PTGES: variants seen among roughly 807,000 people sequenced by gnomAD.
PTGES encodes MGST1-like 1.
In PTGES, 3 loss-of-function variants were observed where a neutral mutation model predicts 11.8. That is an observed-to-expected ratio of 0.25 (90% confidence interval 0.12 to 0.66). The LOEUF is 0.66. Among genes scored for constraint, PTGES ranks in the 30% least tolerant of loss-of-function variants. The pLI is 0.82. For missense variants in PTGES, 180 were observed against 213.0 expected (o/e 0.85, Z 0.96); for synonymous variants, 94 against 90.4 (o/e 1.04, Z -0.22).
At chr9:129,749,149 C>T (rs1455687934) in intron 1 of PTGES, among the ~76,000 whole-genome samples, 6 of 152,190 alleles carry the variant, frequency 3.9e-5, no homozygotes, top group Non-Finnish European at 7.3e-5. Context: ...CCCAGCACTT[C>T]GGAAGGCCAA....
chr9:129,740,254 C>T (rs913030514), intron 2 of PTGES, among the ~76,000 whole-genome samples: 8 of 152,214 alleles, frequency 5.3e-5, no homozygotes, highest in Non-Finnish European at 8.8e-5. Flanking sequence ...ACAGAGCCAA[C>T]GAGTGGAGGA....
intron 1 of PTGES, among the ~76,000 whole-genome samples, 160 bp downstream of exon 1, chr9:129,752,727 C>T (rs533101005): frequency 3.9e-5 from 6 of 152,360 alleles, no homozygotes; most frequent in African/African-American, 9.6e-5. Context: ...CTTGCTGACA[C>T]GTGGGACTGG....
chr9:129,739,290 G>A lies in PTGES; in HGVS notation c.*321C>T, dbSNP rs1832967198. On this transcript the variant is annotated 3_prime_UTR_variant, in exon 3 of 3. Coordinates refer to ENST00000340607, the MANE Select transcript of PTGES (RefSeq NM_004878.5). The surrounding 1 kb of genome is among the most constrained non-coding windows in gnomAD (Gnocchi z 5.7). The stretch of plus-strand genomic sequence containing the variant: ...TCTCCCTTCTCTCTTTTCACTGTTA[G>A]GGAGGGAGAGGGAGTGATGTTTTTG... 2 of 306,270 alleles carry A rather than the reference G, an allele frequency of 6.5e-6. No individual in the cohort carries two copies. Among genetic ancestry groups the A allele is most frequent in the South Asian group, 9.6e-5 (2 of 20,836 alleles). The allele number at this position is 306,270 out of a possible 1,614,324, so 19.0% of individuals were successfully genotyped here.
Position 129,738,401 on chromosome 9 carries a change from C to G in PTGES, c.*1210G>C. On this transcript the variant is annotated 3_prime_UTR_variant, in exon 3 of 3. Transcript: ENST00000340607. The surrounding 1 kb of genome is among the most constrained non-coding windows in gnomAD (Gnocchi z 4.2). ...AAATCACACATCTCAGGTCACGGGT[C>G]TAGGAGAAAACACACACACACACAC... is the stretch of plus-strand genomic sequence containing the variant. 1 of 136,524 alleles carries G rather than the reference C, an allele frequency of 7.3e-6. No individual in the cohort carries two copies. Among genetic ancestry groups the G allele is most frequent in the South Asian group, 2.4e-4 (1 of 4,240 alleles). The allele number at this position is 136,524 out of a possible 1,614,324, so 8.5% of individuals were successfully genotyped here.
intron 1 of PTGES, among the ~76,000 whole-genome samples, chr9:129,750,343 A>C (rs1833090874): frequency 6.6e-6 from 1 of 152,178 alleles, no homozygotes; most frequent in South Asian, 2.1e-4. Flanking sequence ...ACCCCAGAGG[A>C]GAATGCAGCT....
chr9:129,746,759 G>A (rs549749586), intron 2 of PTGES, among the ~76,000 whole-genome samples: 1 of 152,164 alleles, frequency 6.6e-6, no homozygotes, highest in Non-Finnish European at 1.5e-5. Context: ...AAGCTCTTCC[G>A]ATGACCCCAA....
intron 2 of PTGES, among the ~76,000 whole-genome samples, chr9:129,748,414 G>T (rs1247709218): frequency 6.6e-6 from 1 of 152,142 alleles, no homozygotes; most frequent in Non-Finnish European, 1.5e-5. Flanking sequence ...GTAGGAGGGA[G>T]ACTGAATGTT....
At chr9:129,752,210 T>G (rs774859550) in intron 1 of PTGES, among the ~76,000 whole-genome samples, 1 of 152,160 alleles carries the variant, frequency 6.6e-6, no homozygotes, top group Non-Finnish European at 1.5e-5. Context: ...GGGGAGGAAG[T>G]AACAGGTGCC....
rs3861883 is a variant in PTGES at position 129,739,005 on chromosome 9, C to T, written c.*606G>A. The T allele has an allele frequency of 0.013, 1,998 of 153,120 alleles. 37 individuals carry two copies. Among genetic ancestry groups the T allele is most frequent in the African/African-American group, 0.043 (1,802 of 41,532 alleles). The allele number at this position is 153,120 out of a possible 1,614,324, so 9.5% of individuals were successfully genotyped here. On this transcript the variant is annotated 3_prime_UTR_variant, in exon 3 of 3. Coordinates refer to ENST00000340607, the MANE Select transcript of PTGES (RefSeq NM_004878.5). This position sits in a 1 kb window ranked among gnomAD's most constrained non-coding sequence, Gnocchi z 5.7. ...AAAATTAGCTGGGTATGGTGATACG[C>T]GCCTGTAATCCCAGCTACTCAGGAG...
At chr9:129,743,181 C>T (rs1434313066) in intron 2 of PTGES, among the ~76,000 whole-genome samples, 3 of 152,202 alleles carry the variant, frequency 2.0e-5, no homozygotes, top group African/African-American at 7.2e-5. Flanking sequence ...GGAGCTCTGA[C>T]TGTCAGCCCC....
rs1050677993 is a variant in PTGES at position 129,739,783 on chromosome 9, G to A, written c.287C>T (p.Pro96Leu). 1.3e-6 allele frequency: 2 copies of A among 1,577,742 alleles called. No homozygotes were observed. The highest frequency in any genetic ancestry group is 1.7e-6 in the Non-Finnish European group (2 of 1,161,402). ...GFVYSFLGPN[P>L]FVAWMHFLVF... ...CAGGAAGTGCATCCAGGCGACAAAA[G>A]GGTTAGGACCCAGAAAGGAGTAGAC... Residue 96 changes from proline (P) to leucine (L), a missense_variant, in exon 3 of 3, where the codon CCT (proline) becomes CTT (leucine). Pro to Leu is a moderately conservative substitution (Grantham distance 98). Coordinates refer to ENST00000340607, the MANE Select transcript of PTGES (RefSeq NM_004878.5). This position sits in a 1 kb window ranked among gnomAD's most constrained non-coding sequence, Gnocchi z 5.7.
chr9:129,744,384 A>G (rs1471631151), intron 2 of PTGES, among the ~76,000 whole-genome samples: 1 of 152,092 alleles, frequency 6.6e-6, no homozygotes, highest in Non-Finnish European at 1.5e-5. Flanking sequence ...AGCCTGAGCA[A>G]CATAGCAAGA....
chr9:129,744,095 C>T (rs183539526), intron 2 of PTGES, among the ~76,000 whole-genome samples: 8 of 152,266 alleles, frequency 5.3e-5, no homozygotes, highest in East Asian at 3.9e-4. Context: ...GTGATCTACC[C>T]GCCTCAGCCT....
At position 129,746,708 on chromosome 9, in the gene PTGES, C is replaced by T. The variant is rs984877134; in HGVS notation, c.209+1947G>A. On this transcript the variant is annotated intron_variant, in intron 2 of 2. Transcript: ENST00000340607. ...GACCCATGAGACAGTTTGTCTCCGGCCTCAGCCTGTCCAGCTCTCCGTCCT... is the reference window on the plus strand; with the variant it reads ...GACCCATGAGACAGTTTGTCTCCGGTCTCAGCCTGTCCAGCTCTCCGTCCT... 5.3e-5 allele frequency among the ~76,000 whole-genome samples: 8 copies of T among 152,328 alleles called. No homozygotes were observed. The East Asian group carries it at 1.5e-3, about 29-fold the overall frequency.
chr9:129,744,349 G>A (rs1833029713), intron 2 of PTGES, among the ~76,000 whole-genome samples: 1 of 152,104 alleles, frequency 6.6e-6, no homozygotes, highest in Non-Finnish European at 1.5e-5. Flanking sequence ...GGCTGAAGTG[G>A]GAGGATCACT....
Position 129,739,133 on chromosome 9 carries a change from GA to G in PTGES, c.*477del, listed in dbSNP as rs940208464. 4.0e-3 allele frequency: 623 copies of G among 155,062 alleles called. No individual in the cohort carries two copies. Among genetic ancestry groups the G allele is most frequent in the South Asian group, 0.013 (72 of 5,650 alleles). 9.6% of individuals were successfully genotyped at this position (155,062 alleles called of 1,614,324 possible). On this transcript the variant is annotated 3_prime_UTR_variant, in exon 3 of 3. Transcript: ENST00000340607. This position sits in a 1 kb window ranked among gnomAD's most constrained non-coding sequence, Gnocchi z 5.7. The stretch of plus-strand genomic sequence containing the variant: ...GGCAACAGAGCAAGACTCTGTCTTG[GA>G]AAAAAAAAAATACAGATGGCCAGGC...
At chr9:129,747,157 A>G (rs1396313212) in intron 2 of PTGES, among the ~76,000 whole-genome samples, 1 of 152,166 alleles carries the variant, frequency 6.6e-6, no homozygotes, top group Non-Finnish European at 1.5e-5. Context: ...GCCCTCGAAA[A>G]TGTTGGGATT....
intron 2 of PTGES, among the ~76,000 whole-genome samples, chr9:129,742,328 CAA>C (rs1194614585): frequency 1.9e-3 from 97 of 51,090 alleles, no homozygotes; most frequent in Middle Eastern, 0.014. Context: ...GACTCTGTCT[CAA>C]AAAAAAAAAA....
intron 2 of PTGES, among the ~76,000 whole-genome samples, chr9:129,744,676 A>G (rs1374843207): frequency 6.6e-6 from 1 of 151,980 alleles, no homozygotes; most frequent in East Asian, 1.9e-4. Flanking sequence ...CAGGAGTTCA[A>G]GACCAGCCTA....
Sources: gnomAD v4.1 joint callset for allele counts (sites outside exome capture counted in the v4.1 genomes callset) on GRCh38, gnomAD v4.1.1 for gene constraint, Gnocchi (gnomAD v3.1) non-coding constraint, MANE v1.5 for transcripts, NCBI Gene and HGNC (gene_info 2026-07-23, HGNC 2026-07-21) for gene names.